The following DOCK8 variants were observed in gnomAD, a reference collection of about 807,000 sequenced individuals.
The protein encoded by DOCK8 is dedicator of cytokinesis protein 8.
In DOCK8, 141 loss-of-function variants were observed where a neutral mutation model predicts 245.6. The observed-to-expected ratio is 0.57, with a 90% CI of 0.50 to 0.66. DOCK8 has a LOEUF of 0.66. Among genes scored for constraint, DOCK8 ranks in the 30% least tolerant of loss-of-function variants. The pLI, the probability that DOCK8 is intolerant of heterozygous loss-of-function variation, is 0.00. For synonymous variants in DOCK8, 1,168 were observed against 970.2 expected, an observed-to-expected ratio of 1.20 and a Z score of -3.79; for missense variants, 2,965 against 2,603.4, an observed-to-expected ratio of 1.14 and a Z score of -3.02.
At chr9:231,025 A>C (rs900735793) in intron 1 of DOCK8, among the ~76,000 whole-genome samples, 18 of 152,222 alleles carry the variant, frequency 1.2e-4, no homozygotes, top group African/African-American at 4.1e-4. Context: ...TAGGGTTTTT[A>C]TGGTTTTAGG....
At chr9:334,190 C>T in intron 10 of DOCK8, 35 bp from the exon 11 acceptor site, 1 of 1,613,550 alleles carries the variant, frequency 6.2e-7, no homozygotes, top group East Asian at 2.2e-5. Flanking sequence ...GGTGCTGATG[C>T]TTGTTTCAGC....
In DOCK8 at chr9:384,809, A is replaced by G. The variant is rs796687721; in HGVS notation, c.2779-1522A>G. Among the ~76,000 whole-genome samples the G allele has an allele frequency of 1.1e-4, 16 of 152,216 alleles. No individual in the cohort carries two copies. In the South Asian group the frequency reaches 1.5e-3, roughly 14 times the overall value. ...CGGGCGCCTGTAATCCCAGCTACTC[A>G]GGAGGCTGAGGCAGGAGAATGGCGT... On this transcript the variant is annotated intron_variant, in intron 22 of 47. Transcript: ENST00000432829.
chr9:457,881 G>A (rs1429601628), intron 46 of DOCK8, among the ~76,000 whole-genome samples: 1 of 152,158 alleles, frequency 6.6e-6, no homozygotes, highest in Non-Finnish European at 1.5e-5. Flanking sequence ...TAATTTATGA[G>A]GTAGGCTCTT....
intron 30 of DOCK8, among the ~76,000 whole-genome samples, chr9:418,987 G>A (rs1423125169): frequency 1.3e-5 from 2 of 152,108 alleles, no homozygotes; most frequent in African/African-American, 4.8e-5. Flanking sequence ...AGGGTTGTTT[G>A]GCTCTGTCCT....
At chr9:310,198 C>T (rs540754178) in intron 5 of DOCK8, among the ~76,000 whole-genome samples, 2 of 151,430 alleles carry the variant, frequency 1.3e-5, no homozygotes, top group African/African-American at 4.9e-5. Context: ...ACCTGGGAGG[C>T]AGAGGCAGCA....
chr9:312,721 A>G (rs1297482324), intron 6 of DOCK8: 2 of 338,632 alleles, frequency 5.9e-6, no homozygotes, highest in South Asian at 4.7e-5. Context: ...ACTGACAACA[A>G]TAGGATAATG....
At chr9:239,041 A>G (rs1037075327) in intron 1 of DOCK8, among the ~76,000 whole-genome samples, 6 of 152,214 alleles carry the variant, frequency 3.9e-5, no homozygotes, top group Non-Finnish European at 5.9e-5. Context: ...GAGAAAGCCC[A>G]CATGGGGGAA....
intron 1 of DOCK8, among the ~76,000 whole-genome samples, chr9:235,581 T>C (rs531415572): frequency 1.7e-4 from 26 of 152,144 alleles, no homozygotes; most frequent in Non-Finnish European, 2.9e-4. Context: ...GTTTACCTAA[T>C]CAAACAACTA....
chr9:325,790 C>A, intron 8 of DOCK8, 53 bp downstream of exon 8: 1 of 1,460,152 alleles, frequency 6.8e-7, no homozygotes, highest in Non-Finnish European at 9.5e-7. Context: ...GTTCATGATT[C>A]TTTGCATGTA....
intron 2 of DOCK8, chr9:273,223 C>A: frequency 1.4e-6 from 1 of 691,844 alleles, no homozygotes; most frequent in Non-Finnish European, 1.8e-6. Context: ...CTTTCCATGC[C>A]ATTTTTTCAG....
intron 31 of DOCK8, 133 bp from the exon 32 acceptor site, chr9:420,816 C>T: frequency 7.4e-7 from 1 of 1,356,396 alleles, no homozygotes. Flanking sequence ...CCATAGGATG[C>T]TCCAGAGCAG....
At chr9:281,940 A>G (rs1225337157) in intron 2 of DOCK8, among the ~76,000 whole-genome samples, 5 of 152,166 alleles carry the variant, frequency 3.3e-5, no homozygotes, top group African/African-American at 1.2e-4. Flanking sequence ...TAGTGCCAGA[A>G]CCGTACTCAG....
rs368241540 is a variant in DOCK8, at chr9:317,163, G to T, written c.827+35G>T. On this transcript the variant is annotated intron_variant, in intron 7 of 47. Transcript: ENST00000432829. ...AACAAACACACTGCCACCGCTTTGA[G>T]ATTTATCTTGCCTTTTACATACAAA... is the stretch of plus-strand genomic sequence containing the variant. The T allele has an allele frequency of 2.4e-4, 349 of 1,470,678 alleles. 1 individual carries two copies. In the African/African-American group the frequency reaches 4.3e-3, roughly 18 times the overall value. 91.1% of individuals were successfully genotyped at this position (1,470,678 alleles called of 1,614,324 possible).
intron 22 of DOCK8, among the ~76,000 whole-genome samples, chr9:384,879 G>A (rs1187918307): frequency 2.6e-5 from 4 of 152,104 alleles, no homozygotes; most frequent in African/African-American, 4.8e-5. Context: ...TCGTGCCACC[G>A]CACTCCAGCC....
At chr9:240,473 A>G (rs1017581785) in intron 1 of DOCK8, among the ~76,000 whole-genome samples, 5 of 152,072 alleles carry the variant, frequency 3.3e-5, no homozygotes, top group Admixed American at 2.6e-4. Context: ...TATACCCAAC[A>G]GGTAAACTAG....
intron 14 of DOCK8, among the ~76,000 whole-genome samples, chr9:363,589 C>A (rs1404612195): frequency 1.3e-5 from 2 of 152,164 alleles, no homozygotes; most frequent in African/African-American, 2.4e-5. Flanking sequence ...ATATGATGAC[C>A]CTTAGGAAAT....
intron 25 of DOCK8, among the ~76,000 whole-genome samples, chr9:397,545 C>T (rs776065300): frequency 2.0e-5 from 3 of 151,166 alleles, no homozygotes; most frequent in Non-Finnish European, 2.9e-5. Context: ...GGAAAATTAG[C>T]CGGGTGTAGT....
intron 38 of DOCK8, among the ~76,000 whole-genome samples, chr9:434,232 A>G (rs1297299491): frequency 1.3e-5 from 2 of 152,324 alleles, no homozygotes; most frequent in East Asian, 1.9e-4. Flanking sequence ...ACTATCTTCT[A>G]CTTACCACAG....
At chr9:253,600 C>A (rs776193702) in intron 1 of DOCK8, among the ~76,000 whole-genome samples, 2 of 152,138 alleles carry the variant, frequency 1.3e-5, no homozygotes, top group Non-Finnish European at 2.9e-5. Flanking sequence ...AAAAGTTATG[C>A]TAATATAAGA....
Sources: gnomAD v4.1 joint callset for allele counts (sites outside exome capture counted in the v4.1 genomes callset) on GRCh38, gnomAD v4.1.1 for gene constraint, MANE v1.5 for transcripts, NCBI Gene and HGNC (gene_info 2026-07-23, HGNC 2026-07-21) for gene names.